Variants in MED28 observed in about 807,000 individuals in gnomAD.
The protein encoded by MED28 is mediator complex subunit 28.
Under a neutral mutation model 21.3 loss-of-function variants are expected in MED28, and 26 were observed. The ratio of observed to expected loss-of-function variants is 1.22; its 90% CI spans 0.89 to 1.69. MED28 has a LOEUF of 1.69. MED28 is among the 40% of genes most tolerant of loss of function. MED28 has a pLI of 0.00. For synonymous variants in MED28, 110 were observed against 87.6 expected, an observed-to-expected ratio of 1.26 and a Z score of -1.43; for missense variants, 257 against 215.4, an observed-to-expected ratio of 1.19 and a Z score of -1.21.
rs1361310227 is a variant in MED28, at chr4:17,629,432, A to C, written c.*5634A>C. ...GCCTCAATCACAAATGTTGGGTTGG[A>C]TATTACATCAGTGTTAGAGCAGTTA... On this transcript the variant is annotated 3_prime_UTR_variant, in exon 4 of 4. Transcript: ENST00000237380. The C allele has an allele frequency of 6.6e-6, 1 of 152,200 alleles. No individual in the cohort carries two copies. The highest frequency in any genetic ancestry group is 1.5e-5 in the Non-Finnish European group (1 of 68,042). 9.4% of individuals were successfully genotyped at this position (152,200 alleles called of 1,614,324 possible).
In MED28 at chr4:17,629,623, T is replaced by C. The variant is rs1714866244; in HGVS notation, c.*5825T>C. The C allele has an allele frequency of 6.6e-6, 1 of 152,196 alleles. No individual in the cohort carries two copies. The highest frequency in any genetic ancestry group is 1.5e-5 in the Non-Finnish European group (1 of 68,036). The allele number at this position is 152,196 out of a possible 1,614,324, so 9.4% of individuals were successfully genotyped here. On this transcript the variant is annotated 3_prime_UTR_variant, in exon 4 of 4. Coordinates refer to ENST00000237380, the MANE Select transcript of MED28 (RefSeq NM_025205.5). ...CTGTCATAATACAGCCTGAAGAGAT[T>C]TACCATTAAATACTGTTTTTTTCTC...
rs755639505 is a variant in MED28 at position 17,619,987 on chromosome 4, A to G, written c.226+20A>G. On this transcript the variant is annotated intron_variant, in intron 2 of 3. Transcript: ENST00000237380. ...GAACCGGTAAGCATTCCCTCTGTGTACACAATGTTCTGGGCTTCAGCAGTA... is the reference window on the plus strand; with the variant it reads ...GAACCGGTAAGCATTCCCTCTGTGTGCACAATGTTCTGGGCTTCAGCAGTA... 1 of 1,609,258 alleles carries G rather than the reference A, an allele frequency of 6.2e-7. No individual in the cohort carries two copies. The highest frequency in any genetic ancestry group is 1.1e-5 in the South Asian group (1 of 90,984).
In MED28 at chr4:17,633,575, A is replaced by G; in HGVS notation, c.*9777A>G. ...GTGATTCAGTGTCCCTTGTCTAATCATCCATGAAAAAAGGCCTTCTGGAAT... is the reference window on the plus strand; with the variant it reads ...GTGATTCAGTGTCCCTTGTCTAATCGTCCATGAAAAAAGGCCTTCTGGAAT... On this transcript the variant is annotated 3_prime_UTR_variant, in exon 4 of 4. Transcript: ENST00000237380. 3.1e-6 allele frequency: 3 copies of G among 952,914 alleles called. No homozygotes were observed. Among genetic ancestry groups the G allele is most frequent in the Non-Finnish European group, 4.5e-6 (3 of 671,020 alleles). The allele number at this position is 952,914 out of a possible 1,614,324, so 59.0% of individuals were successfully genotyped here.
rs193028597 is a variant in MED28 at position 17,624,647 on chromosome 4, G to A, written c.*849G>A. The A allele has an allele frequency of 7.3e-5, 11 of 151,598 alleles. No homozygotes were observed. The East Asian group carries it at 1.6e-3, about 21-fold the overall frequency. 9.4% of individuals were successfully genotyped at this position (151,598 alleles called of 1,614,324 possible). On this transcript the variant is annotated 3_prime_UTR_variant, in exon 4 of 4. Transcript: ENST00000237380. ...TCTTTCTGTTTTGAGTTTTGTTTGC[G>A]TGTATCATTTTTGTTCTACATTTTG...
Position 17,619,757 on chromosome 4 carries a change from T to C in MED28, c.160-144T>C. On this transcript the variant is annotated intron_variant, in intron 1 of 3. Transcript: ENST00000237380. ...AACTCAGTTTACCAGATGTTTCCAT[T>C]GGCATGGTGTCTTGCCATCTCATAT... The C allele has an allele frequency of 4.5e-6, 3 of 670,844 alleles. No individual in the cohort carries two copies. In the South Asian group the frequency reaches 5.5e-5, roughly 12 times the overall value. The allele number at this position is 670,844 out of a possible 1,614,324, so 41.6% of individuals were successfully genotyped here. A position where few individuals can be genotyped will look rare whatever the true frequency, so the allele number is the denominator to read the frequency against.
rs1490249804 is a variant in MED28, at chr4:17,625,402, G to C, written c.*1604G>C. ...AAAAGCTCATGTGGTATGACCTCAA[G>C]GTTGCTAACCTGGTCACTCATGGTA... is the stretch of plus-strand genomic sequence containing the variant. On this transcript the variant is annotated 3_prime_UTR_variant, in exon 4 of 4. Coordinates refer to ENST00000237380, the MANE Select transcript of MED28 (RefSeq NM_025205.5). The C allele has an allele frequency of 4.0e-6, 1 of 250,882 alleles. No homozygotes were observed. The highest frequency in any genetic ancestry group is 1.4e-4 in the East Asian group (1 of 7,052). The allele number at this position is 250,882 out of a possible 1,614,324, so 15.5% of individuals were successfully genotyped here. A position where few individuals can be genotyped will look rare whatever the true frequency, so the allele number is the denominator to read the frequency against.
chr4:17,615,428 T>G (rs907994668), intron 1 of MED28, among the ~76,000 whole-genome samples: 10 of 152,210 alleles, frequency 6.6e-5, no homozygotes, highest in Admixed American at 2.6e-4. Flanking sequence ...CTCTGGTGAT[T>G]TCCAGTAGTC....
At chr4:17,614,934 C>T in intron 1 of MED28, 121 bp downstream of exon 1, 1 of 1,245,754 alleles carries the variant, frequency 8.0e-7, no homozygotes, top group South Asian at 1.6e-5. Flanking sequence ...GAAACTGAGG[C>T]TTAAAGTAAG....
rs764268487 is a variant in MED28 at position 17,633,931 on chromosome 4, A to G, written c.*10133A>G. 32 of 1,297,344 alleles carry G rather than the reference A, an allele frequency of 2.5e-5. 1 individual carries two copies. In the Admixed American group the frequency reaches 1.4e-3, roughly 55 times the overall value. The allele number at this position is 1,297,344 out of a possible 1,614,324, so 80.4% of individuals were successfully genotyped here. On this transcript the variant is annotated 3_prime_UTR_variant, in exon 4 of 4. Coordinates refer to ENST00000237380, the MANE Select transcript of MED28 (RefSeq NM_025205.5). ...CAGGTTAGTGCAATGCAATGCAAAA[A>G]ACAAAATAAAGCATTATTGTAAAAG...
rs1424085918 is a variant in MED28, at chr4:17,630,425, C to T, written c.*6627C>T. ...GAGGCTCAGGGAGGCGCTCTTGCCTCTTCCACCATGTAAGGACACGTAGCA... is the reference window on the plus strand; with the variant it reads ...GAGGCTCAGGGAGGCGCTCTTGCCTTTTCCACCATGTAAGGACACGTAGCA... On this transcript the variant is annotated 3_prime_UTR_variant, in exon 4 of 4. Coordinates refer to ENST00000237380, the MANE Select transcript of MED28 (RefSeq NM_025205.5). 1 of 152,346 alleles carries T rather than the reference C, an allele frequency of 6.6e-6. No individual in the cohort carries two copies. Among genetic ancestry groups the T allele is most frequent in the African/African-American group, 2.4e-5 (1 of 41,584 alleles). The allele number at this position is 152,346 out of a possible 1,614,324, so 9.4% of individuals were successfully genotyped here.
At position 17,625,757 on chromosome 4, in the gene MED28, C is replaced by T; in HGVS notation, c.*1959C>T. ...CATCTTCTCAAGTTCCCCTAGAAAC[C>T]TGTGGAATGCCCTCTGCCAAGCACT... On this transcript the variant is annotated 3_prime_UTR_variant, in exon 4 of 4. Coordinates refer to ENST00000237380, the MANE Select transcript of MED28 (RefSeq NM_025205.5). The T allele has an allele frequency of 2.4e-6, 1 of 423,626 alleles. No individual in the cohort carries two copies. The highest frequency in any genetic ancestry group is 1.7e-5 in the South Asian group (1 of 59,142). The allele number at this position is 423,626 out of a possible 1,614,324, so 26.2% of individuals were successfully genotyped here. A position where few individuals can be genotyped will look rare whatever the true frequency, so the allele number is the denominator to read the frequency against.
rs1301251541 is a variant in MED28 at position 17,633,686 on chromosome 4, A to G, written c.*9888A>G. On this transcript the variant is annotated 3_prime_UTR_variant, in exon 4 of 4. Coordinates refer to ENST00000237380, the MANE Select transcript of MED28 (RefSeq NM_025205.5). ...GGGCCCCTGTCCCCAACATCCCCCAAACCTTGTGGCAGTTTTTGCATCTGT... is the reference window on the plus strand; with the variant it reads ...GGGCCCCTGTCCCCAACATCCCCCAGACCTTGTGGCAGTTTTTGCATCTGT... 7.9e-6 allele frequency: 12 copies of G among 1,525,142 alleles called. No homozygotes were observed. The highest frequency in any genetic ancestry group is 1.1e-5 in the Non-Finnish European group (12 of 1,132,890). The allele number at this position is 1,525,142 out of a possible 1,614,324, so 94.5% of individuals were successfully genotyped here.
Position 17,626,406 on chromosome 4 carries a change from T to G in MED28, c.*2608T>G, listed in dbSNP as rs1423256985. 6.6e-6 allele frequency: 1 copy of G among 152,284 alleles called. No individual in the cohort carries two copies. The highest frequency in any genetic ancestry group is 1.5e-5 in the Non-Finnish European group (1 of 68,096). The allele number at this position is 152,284 out of a possible 1,614,324, so 9.4% of individuals were successfully genotyped here. On this transcript the variant is annotated 3_prime_UTR_variant, in exon 4 of 4. Coordinates refer to ENST00000237380, the MANE Select transcript of MED28 (RefSeq NM_025205.5). Reference sequence around the variant, plus strand: ...TTGCCCAAAGTCAAGAGGTTAGTCTTTAACCTTTGGCAGAAGCAGGATTTG... The same window carrying G: ...TTGCCCAAAGTCAAGAGGTTAGTCTGTAACCTTTGGCAGAAGCAGGATTTG...
At chr4:17,621,749 C>G (rs1203576586) in intron 3 of MED28, 50 bp downstream of exon 3, 1 of 1,218,194 alleles carries the variant, frequency 8.2e-7, no homozygotes, top group Non-Finnish European at 1.2e-6. Context: ...TAAGTGGTGC[C>G]AGGATTCCTT....
At position 17,632,043 on chromosome 4, in the gene MED28, ATTTTTTTTTTTTT is replaced by A. The variant is rs199549580; in HGVS notation, c.*8277_*8289del. On this transcript the variant is annotated 3_prime_UTR_variant, in exon 4 of 4. Transcript: ENST00000237380. ...TTTTAATAACACTGGTTTAATGTCA[ATTTTTTTTTTTTT>A]TTTTTTTTTTTTTTTTTTTTTTTTT... The A allele has an allele frequency of 2.2e-4, 26 of 117,604 alleles. No individual in the cohort carries two copies. Among genetic ancestry groups the A allele is most frequent in the African/African-American group, 5.1e-4 (15 of 29,334 alleles). 7.3% of individuals were successfully genotyped at this position (117,604 alleles called of 1,614,324 possible). A position where few individuals can be genotyped will look rare whatever the true frequency, so the allele number is the denominator to read the frequency against.
chr4:17,616,592 T>G (rs566991428), intron 1 of MED28, among the ~76,000 whole-genome samples: 10 of 152,278 alleles, frequency 6.6e-5, no homozygotes, highest in African/African-American at 2.4e-4. Context: ...CACAAGACTT[T>G]CCCACGTGTA....
At position 17,630,513 on chromosome 4, in the gene MED28, G is replaced by C. The variant is rs766789611; in HGVS notation, c.*6715G>C. 6.6e-6 allele frequency: 1 copy of C among 152,188 alleles called. No individual in the cohort carries two copies. The highest frequency in any genetic ancestry group is 1.5e-5 in the Non-Finnish European group (1 of 68,040). The allele number at this position is 152,188 out of a possible 1,614,324, so 9.4% of individuals were successfully genotyped here. The stretch of plus-strand genomic sequence containing the variant: ...CATATCTGCTGGTGCCTTGATCTTG[G>C]ACTTAGCCTCTAGGACTGTGAGTGA... On this transcript the variant is annotated 3_prime_UTR_variant, in exon 4 of 4. Coordinates refer to ENST00000237380, the MANE Select transcript of MED28 (RefSeq NM_025205.5).
In MED28 at chr4:17,630,778, G is replaced by A. The variant is rs1343364205; in HGVS notation, c.*6980G>A. 1 of 99,948 alleles carries A rather than the reference G, an allele frequency of 1.0e-5. No homozygotes were observed. Among genetic ancestry groups the A allele is most frequent in the African/African-American group, 3.0e-5 (1 of 33,878 alleles). 6.2% of individuals were successfully genotyped at this position (99,948 alleles called of 1,614,324 possible). A position where few individuals can be genotyped will look rare whatever the true frequency, so the allele number is the denominator to read the frequency against. On this transcript the variant is annotated 3_prime_UTR_variant, in exon 4 of 4. Coordinates refer to ENST00000237380, the MANE Select transcript of MED28 (RefSeq NM_025205.5). The stretch of plus-strand genomic sequence containing the variant: ...TAAGTTTGACAGTTATATGTAATCA[G>A]CTTTTTTTTTTTTAAGATGGTGTGA...
At chr4:17,617,623 C>A (rs1269639455) in intron 1 of MED28, among the ~76,000 whole-genome samples, 1 of 152,198 alleles carries the variant, frequency 6.6e-6, no homozygotes, top group African/African-American at 2.4e-5. Context: ...TGTTCTCTTT[C>A]TAGGCAGATG....
Sources: gnomAD v4.1 joint callset for allele counts (sites outside exome capture counted in the v4.1 genomes callset) on GRCh38, gnomAD v4.1.1 for gene constraint, MANE v1.5 for transcripts, NCBI Gene and HGNC (gene_info 2026-07-23, HGNC 2026-07-21) for gene names.